The following CACNB2 variants were observed in gnomAD, a reference collection of about 807,000 sequenced individuals.
CACNB2 encodes the protein voltage-dependent L-type calcium channel subunit beta-2.
Under a neutral mutation model 73.3 loss-of-function variants are expected in CACNB2, and 42 were observed. The observed-to-expected ratio is 0.57, with a 90% CI of 0.45 to 0.74. CACNB2 has a LOEUF of 0.74. Ranked by LOEUF, CACNB2 falls within the 30% of genes least tolerant of loss-of-function variation. The pLI is 0.00. For synonymous variants in CACNB2, 348 were observed against 310.3 expected, an observed-to-expected ratio of 1.12 and a Z score of -1.28; for missense variants, 940 against 853.0, an observed-to-expected ratio of 1.10 and a Z score of -1.27.
chr10:18,154,656 CAG>C (rs1265881994), intron 2 of CACNB2, among the ~76,000 whole-genome samples: 1 of 152,010 alleles, frequency 6.6e-6, no homozygotes, highest in African/African-American at 2.4e-5. Flanking sequence ...TTAGTAGAGA[CAG>C]GGTTTCGCCA....
Position 18,218,878 on chromosome 10 carries a change from T to A in CACNB2, c.213+67903T>A, listed in dbSNP as rs114305295. Among the ~76,000 whole-genome samples, 1,046 of 152,104 alleles carry A rather than the reference T, an allele frequency of 6.9e-3. 15 individuals carry two copies. The highest frequency in any genetic ancestry group is 0.024 in the African/African-American group (993 of 41,502). On this transcript the variant is annotated intron_variant, in intron 2 of 13. Coordinates refer to ENST00000324631, the MANE Select transcript of CACNB2 (RefSeq NM_201596.3). Reference sequence around the variant, plus strand: ...GAGACTCCATCTCAAAAAAAAGTACTTCTGGCCAAGCACAGTGGCTCACGC... The same window carrying A: ...GAGACTCCATCTCAAAAAAAAGTACATCTGGCCAAGCACAGTGGCTCACGC...
chr10:18,335,529 G>A (rs2040965780), intron 2 of CACNB2, among the ~76,000 whole-genome samples: 1 of 152,160 alleles, frequency 6.6e-6, no homozygotes, highest in Non-Finnish European at 1.5e-5. Flanking sequence ...AGGAGGCAGA[G>A]GTTGCATTGA....
chr10:18,494,542 G>T (rs2049660826), intron 3 of CACNB2, among the ~76,000 whole-genome samples: 1 of 149,826 alleles, frequency 6.7e-6, no homozygotes, highest in South Asian at 2.1e-4. Flanking sequence ...TGAGGCAGGA[G>T]AATGGCATGA....
intron 1 of CACNB2, among the ~76,000 whole-genome samples, chr10:18,146,621 G>C (rs1205549420): frequency 6.6e-6 from 1 of 152,044 alleles, no homozygotes; most frequent in Non-Finnish European, 1.5e-5. Context: ...GGTATCACAG[G>C]TGTCCGCCAC....
intron 2 of CACNB2, chr10:18,234,360 T>C (rs1415093317): frequency 3.3e-5 from 5 of 152,172 alleles, no homozygotes; most frequent in Non-Finnish European, 7.3e-5. Flanking sequence ...AAGCATAAAA[T>C]TACCATGTGA....
At chr10:18,281,600 G>C (rs1355752867) in intron 2 of CACNB2, among the ~76,000 whole-genome samples, 1 of 152,206 alleles carries the variant, frequency 6.6e-6, no homozygotes, top group Middle Eastern at 3.4e-3. Context: ...TTGCTGTTGT[G>C]TGTGTCCAAA....
intron 2 of CACNB2, among the ~76,000 whole-genome samples, chr10:18,276,636 T>C (rs1193560380): frequency 1.3e-5 from 2 of 151,978 alleles, no homozygotes; most frequent in Admixed American, 6.6e-5. Flanking sequence ...TGAAGTGAAG[T>C]GGTGTGATCT....
intron 2 of CACNB2, among the ~76,000 whole-genome samples, chr10:18,337,406 T>A (rs1311372423): frequency 1.3e-5 from 2 of 152,178 alleles, no homozygotes; most frequent in Non-Finnish European, 2.9e-5. Context: ...CCGGCCTACT[T>A]TTTTCTTTTA....
intron 2 of CACNB2, among the ~76,000 whole-genome samples, chr10:18,217,529 T>G (rs1371982803): frequency 6.6e-6 from 1 of 151,896 alleles, no homozygotes; most frequent in Non-Finnish European, 1.5e-5. Context: ...TTGTTTAGTA[T>G]GGCAAAATTG....
intron 2 of CACNB2, among the ~76,000 whole-genome samples, chr10:18,363,557 C>T (rs2042226217): frequency 6.6e-6 from 1 of 152,164 alleles, no homozygotes; most frequent in Non-Finnish European, 1.5e-5. Context: ...CATGAAACTA[C>T]CAGTACCTTC....
At chr10:18,409,104 G>A (rs1004069384) in intron 3 of CACNB2, among the ~76,000 whole-genome samples, 1 of 152,002 alleles carries the variant, frequency 6.6e-6, no homozygotes, top group Non-Finnish European at 1.5e-5. Context: ...TCGAGGCCAG[G>A]CTGGCCAACA....
intron 2 of CACNB2, among the ~76,000 whole-genome samples, chr10:18,376,887 G>A (rs1045785157): frequency 6.6e-5 from 10 of 152,178 alleles, no homozygotes; most frequent in Admixed American, 5.9e-4. Flanking sequence ...ATGCCCTTTG[G>A]ATTTAGGCAG....
intron 2 of CACNB2, among the ~76,000 whole-genome samples, chr10:18,238,992 T>C (rs761648398): frequency 8.5e-5 from 13 of 152,152 alleles, no homozygotes; most frequent in African/African-American, 2.2e-4. Flanking sequence ...TTTTAAGATT[T>C]GATGGCAGCT....
chr10:18,384,798 T>TAA lies in CACNB2; in HGVS notation c.214-17113_214-17112dup, dbSNP rs200615491. ...CAAAAATAAAGTAATATGAACATGG[T>TAA]AAAAAAAAAAAAAATCAAGCATTAC... On this transcript the variant is annotated intron_variant, in intron 2 of 13. Coordinates refer to ENST00000324631, the MANE Select transcript of CACNB2 (RefSeq NM_201596.3). Among the ~76,000 whole-genome samples the TAA allele has an allele frequency of 8.6e-5, 12 of 139,080 alleles. No homozygotes were observed. The East Asian group carries it at 1.3e-3, about 15-fold the overall frequency. 91.2% of individuals were successfully genotyped at this position (139,080 alleles called of 152,430 possible).
rs1427276895 is a variant in CACNB2 at position 18,525,855 on chromosome 10, C to G, written c.945-1733C>G. Among the ~76,000 whole-genome samples the G allele has an allele frequency of 2.0e-5, 3 of 151,934 alleles. No homozygotes were observed. The East Asian group carries it at 5.8e-4, about 29-fold the overall frequency. On this transcript the variant is annotated intron_variant, in intron 9 of 13. Transcript: ENST00000324631. Reference sequence around the variant, plus strand: ...TACATTTCTTTTAACCTTTCTTTTGCTTTTTTTCTATTTCTATTATCATGT... The same window carrying G: ...TACATTTCTTTTAACCTTTCTTTTGGTTTTTTTCTATTTCTATTATCATGT...
intron 2 of CACNB2, among the ~76,000 whole-genome samples, chr10:18,159,458 G>A (rs1279600004): frequency 6.6e-6 from 1 of 152,192 alleles, no homozygotes; most frequent in African/African-American, 2.4e-5. Flanking sequence ...AACATATGCT[G>A]TGGTTGTAAC....
At chr10:18,507,764 T>C (rs12354739) in intron 6 of CACNB2, among the ~76,000 whole-genome samples, 7,883 of 152,230 alleles carry the variant, frequency 0.052, 323 homozygotes, top group Non-Finnish European at 0.075. Flanking sequence ...TCTAGAAAGC[T>C]GGAAATGGGA....
intron 2 of CACNB2, among the ~76,000 whole-genome samples, chr10:18,296,024 T>A (rs924878429): frequency 1.4e-3 from 148 of 107,704 alleles, no homozygotes; most frequent in African/African-American, 5.3e-3. Context: ...TTTTTTTTTT[T>A]ACCCTCCGTG....
intron 2 of CACNB2, among the ~76,000 whole-genome samples, chr10:18,170,353 G>A (rs7090118): frequency 0.37 from 56,179 of 152,052 alleles, 10,685 homozygotes; most frequent in African/African-American, 0.44. Context: ...TTAAGAAAAT[G>A]CCAGACTCCA....
Sources: gnomAD v4.1 joint callset for allele counts (sites outside exome capture counted in the v4.1 genomes callset) on GRCh38, gnomAD v4.1.1 for gene constraint, MANE v1.5 for transcripts, NCBI Gene and HGNC (gene_info 2026-07-23, HGNC 2026-07-21) for gene names.